Variants in DYNC1I1 observed in about 807,000 individuals in gnomAD.
DYNC1I1 encodes cytoplasmic dynein 1 intermediate chain 1.
DYNC1I1 carries 43 observed loss-of-function variants against 86.6 expected under a neutral mutation model. That is an observed-to-expected ratio of 0.50 (90% confidence interval 0.39 to 0.64). The LOEUF (loss-of-function observed/expected upper bound fraction) is 0.64, where lower values mean the gene tolerates loss of function less well. DYNC1I1 is among the 30% of genes least tolerant of loss of function. The probability of loss-of-function intolerance (pLI) is 0.00; values close to 1 mark genes in which losing one functional copy is unlikely to be tolerated. For synonymous variants in DYNC1I1, 262 were observed against 283.7 expected, an observed-to-expected ratio of 0.92 and a Z score of 0.77; for missense variants, 604 against 788.8, an observed-to-expected ratio of 0.77 and a Z score of 2.81.
intron 6 of DYNC1I1, among the ~76,000 whole-genome samples, chr7:95,904,078 A>G (rs985404360): frequency 1.5e-5 from 2 of 137,910 alleles, no homozygotes; most frequent in Admixed American, 7.1e-5. Flanking sequence ...TTCTGGAGGC[A>G]TAGGTACTAG....
rs75321739 is a variant in DYNC1I1, at chr7:95,856,172, T to G, written c.375-13711T>G. On this transcript the variant is annotated intron_variant, in intron 5 of 16. Coordinates refer to ENST00000447467, the MANE Select transcript of DYNC1I1 (RefSeq NM_001135556.2). ...TAACTTTTTTTTTCCTTTTTAAACT[T>G]TTTTGTTAAGAACTGTGACATAAAC... 2.4e-4 allele frequency among the ~76,000 whole-genome samples: 36 copies of G among 152,330 alleles called. No homozygotes were observed. The East Asian group carries it at 6.9e-3, about 29-fold the overall frequency.
At chr7:95,804,946 T>G in intron 2 of DYNC1I1, 109 bp downstream of exon 2, 1 of 1,424,234 alleles carries the variant, frequency 7.0e-7, no homozygotes, top group Non-Finnish European at 9.2e-7. Flanking sequence ...TTTTATGATA[T>G]CTGAATAAAA....
At chr7:96,054,461 C>T in intron 14 of DYNC1I1, among the ~76,000 whole-genome samples, 1 of 152,118 alleles carries the variant, frequency 6.6e-6, no homozygotes, top group Non-Finnish European at 1.5e-5. Context: ...GTGCATGTGT[C>T]TTATAGTAGA....
At chr7:95,942,223 A>G (rs1438597013) in intron 6 of DYNC1I1, among the ~76,000 whole-genome samples, 1 of 152,210 alleles carries the variant, frequency 6.6e-6, no homozygotes, top group African/African-American at 2.4e-5. Flanking sequence ...ACAAACTACC[A>G]TCCGAGAATA....
intron 14 of DYNC1I1, among the ~76,000 whole-genome samples, chr7:96,064,637 C>T (rs1403767675): frequency 1.3e-5 from 2 of 152,082 alleles, no homozygotes; most frequent in African/African-American, 4.8e-5. Flanking sequence ...AATAGTTATC[C>T]CAAGGAGGAT....
intron 14 of DYNC1I1, among the ~76,000 whole-genome samples, chr7:96,070,652 A>G (rs546010572): frequency 1.3e-5 from 2 of 152,222 alleles, no homozygotes; most frequent in East Asian, 1.9e-4. Flanking sequence ...TACCCACCCA[A>G]AGATATTTTC....
At chr7:96,028,396 TG>T in intron 11 of DYNC1I1, 75 bp downstream of exon 11, 1 of 1,533,142 alleles carries the variant, frequency 6.5e-7, no homozygotes. Flanking sequence ...CAAAAAAGTA[TG>T]GATGTTTTCA....
In DYNC1I1 at chr7:96,108,948, T is replaced by A. The variant is rs537423985; in HGVS notation, c.1543-1031T>A. 2.0e-5 allele frequency among the ~76,000 whole-genome samples: 3 copies of A among 152,256 alleles called. No homozygotes were observed. In the Middle Eastern group the frequency reaches 0.01, roughly 518 times the overall value. The stretch of plus-strand genomic sequence containing the variant: ...TTGTTTCTTTCTTCTTCAGTGACTT[T>A]GGTAGGATATATCTTTCAAGGAATC... On this transcript the variant is annotated intron_variant, in intron 16 of 16. Coordinates refer to the DYNC1I1 transcript ENST00000537881.
intron 2 of DYNC1I1, among the ~76,000 whole-genome samples, chr7:95,805,358 A>G (rs1554388711): frequency 6.6e-6 from 1 of 152,164 alleles, no homozygotes; most frequent in Non-Finnish European, 1.5e-5. Flanking sequence ...AAAATGGTAT[A>G]TATATTTTTT....
downstream of DYNC1I1, among the ~76,000 whole-genome samples, chr7:96,099,025 T>G (rs1791087142): frequency 6.6e-6 from 1 of 152,180 alleles, no homozygotes; most frequent in Non-Finnish European, 1.5e-5. Context: ...TGAAATCCTT[T>G]GTAAACAATA....
chr7:96,009,800 C>A (rs973970668), intron 10 of DYNC1I1, among the ~76,000 whole-genome samples: 4 of 150,652 alleles, frequency 2.7e-5, no homozygotes, highest in African/African-American at 9.8e-5. Flanking sequence ...TTTTTTAAGA[C>A]GGAGTTTGAC....
chr7:95,960,402 C>G (rs529232576), intron 6 of DYNC1I1, among the ~76,000 whole-genome samples: 1 of 152,118 alleles, frequency 6.6e-6, no homozygotes. Flanking sequence ...CCACCACGCC[C>G]GGCCAAATGC....
At chr7:95,935,728 A>G (rs1792022186) in intron 6 of DYNC1I1, among the ~76,000 whole-genome samples, 1 of 152,058 alleles carries the variant, frequency 6.6e-6, no homozygotes, top group African/African-American at 2.4e-5. Context: ...TCCAAAATAT[A>G]TAAAGAACTC....
At chr7:95,789,109 G>A (rs1485038600) in intron 1 of DYNC1I1, among the ~76,000 whole-genome samples, 3 of 152,152 alleles carry the variant, frequency 2.0e-5, no homozygotes, top group African/African-American at 4.8e-5. Flanking sequence ...TATCAGAAGG[G>A]TTTAAGCCTT....
At chr7:95,994,534 T>C (rs1419550992) in intron 9 of DYNC1I1, among the ~76,000 whole-genome samples, 1 of 152,062 alleles carries the variant, frequency 6.6e-6, no homozygotes, top group Non-Finnish European at 1.5e-5. Context: ...AGTATGAGAC[T>C]CATAGGTACA....
chr7:95,984,766 A>C lies in DYNC1I1; in HGVS notation c.581-49A>C, dbSNP rs6967779. 0.095 allele frequency: 145,114 copies of C among 1,533,252 alleles called. 7,450 individuals carry two copies. Among genetic ancestry groups the C allele is most frequent in the Admixed American group, 0.12 (5,213 of 44,646 alleles). The allele number at this position is 1,533,252 out of a possible 1,614,324, so 95.0% of individuals were successfully genotyped here. ...TTCCTCTTGATAAGTTTTAATTGTC[A>C]CTTTTTCTTCCCTAACAATCTCTTT... On this transcript the variant is annotated intron_variant, in intron 7 of 16. Transcript: ENST00000447467.
At chr7:95,887,814 G>A (rs761714093) in intron 6 of DYNC1I1, among the ~76,000 whole-genome samples, 3 of 152,288 alleles carry the variant, frequency 2.0e-5, no homozygotes, top group Admixed American at 6.5e-5. Context: ...CCCCGGTATT[G>A]TATTAGAATG....
At chr7:95,897,721 C>G (rs375904202) in intron 6 of DYNC1I1, among the ~76,000 whole-genome samples, 45 of 134,494 alleles carry the variant, frequency 3.3e-4, no homozygotes, top group African/African-American at 1.2e-3. Context: ...TGTTCCAAAC[C>G]CTTATAGTTG....
At chr7:95,798,766 T>C (rs1794506924) in intron 1 of DYNC1I1, among the ~76,000 whole-genome samples, 1 of 152,208 alleles carries the variant, frequency 6.6e-6, no homozygotes, top group African/African-American at 2.4e-5. Flanking sequence ...GTGCTGTTAC[T>C]CTGCAGCTGT....
Sources: allele counts gnomAD v4.1 joint callset (sites outside exome capture counted in the v4.1 genomes callset), GRCh38; gene constraint gnomAD v4.1.1; transcripts MANE v1.5; gene names NCBI Gene and HGNC (gene_info 2026-07-23, HGNC 2026-07-21).